Variants in BBS2 observed in about 807,000 individuals in gnomAD.
The protein encoded by BBS2 is BBSome complex member BBS2.
In BBS2, 62 loss-of-function variants were observed where a neutral mutation model predicts 83.0. The ratio of observed to expected loss-of-function variants is 0.75; its 90% CI spans 0.61 to 0.92. The LOEUF is 0.92. Ranked by LOEUF, BBS2 falls within the 40% of genes least tolerant of loss-of-function variation. The pLI, the probability that BBS2 is intolerant of heterozygous loss-of-function variation, is 0.00. For synonymous variants in BBS2, 303 were observed against 326.1 expected, an observed-to-expected ratio of 0.93 and a Z score of 0.76; for missense variants, 784 against 901.0, an observed-to-expected ratio of 0.87 and a Z score of 1.66.
chr16:56,483,341 C>T (rs1485067873), downstream of BBS2, among the ~76,000 whole-genome samples: 6 of 152,142 alleles, frequency 3.9e-5, no homozygotes, highest in Admixed American at 1.3e-4. Flanking sequence ...AAATAGTGTT[C>T]CAAGTGAGAT....
chr16:56,475,222 G>T (rs1026866469), intron 17 of BBS2, among the ~76,000 whole-genome samples: 3 of 152,128 alleles, frequency 2.0e-5, no homozygotes, highest in African/African-American at 7.2e-5. Flanking sequence ...TTATGTAATT[G>T]CCCTTCTGGG....
Position 56,514,614 on chromosome 16 carries a change from G to C in BBS2, c.184C>G (p.Leu62Val), listed in dbSNP as rs201860939. 1.9e-5 allele frequency: 31 copies of C among 1,612,908 alleles called. No individual in the cohort carries two copies. Among genetic ancestry groups the C allele is most frequent in the Non-Finnish European group, 2.5e-5 (30 of 1,178,998 alleles). ...CTGAGAAGAGAAACATCAGATTCCA[G>C]GGGGCTCTGGAAGACCCTGGATGCA... ...VSASRVFQSP[L>V]ESDVSLLSIN... Residue 62 changes from leucine to valine, a missense_variant, in exon 2 of 17, where the codon CTG becomes GTG. Leu to Val is a conservative substitution (Grantham distance 32). Coordinates refer to ENST00000245157, the MANE Select transcript of BBS2 (RefSeq NM_031885.5).
chr16:56,500,689 A>G lies in BBS2; in HGVS notation c.1397+165T>C. On this transcript the variant is annotated intron_variant, in intron 11 of 16. Transcript: ENST00000245157. ...ATCAGTTTTTCCATTTTCTTTTTACAGGTTTCAAACTGAGGAAATAAAAGG... is the reference window on the plus strand; with the variant it reads ...ATCAGTTTTTCCATTTTCTTTTTACGGGTTTCAAACTGAGGAAATAAAAGG... 4.6e-6 allele frequency: 3 copies of G among 647,432 alleles called. No individual in the cohort carries two copies. In the South Asian group the frequency reaches 6.1e-5, roughly 13 times the overall value. The allele number at this position is 647,432 out of a possible 1,614,324, so 40.1% of individuals were successfully genotyped here.
intron 17 of BBS2, among the ~76,000 whole-genome samples, chr16:56,473,075 C>T (rs1279202267): frequency 3.3e-5 from 5 of 152,230 alleles, no homozygotes; most frequent in Middle Eastern, 3.4e-3. Flanking sequence ...GGACTACAGG[C>T]GCATGCCACC....
chr16:56,475,603 A>G (rs1022341515), intron 17 of BBS2: 7 of 1,580,026 alleles, frequency 4.4e-6, no homozygotes, highest in Non-Finnish European at 6.1e-6. Context: ...ATTTTTAGTT[A>G]TTGAGAATGC....
intron 10 of BBS2, 78 bp from the exon 11 acceptor site, chr16:56,501,103 G>A: frequency 6.6e-7 from 1 of 1,505,418 alleles, no homozygotes; most frequent in African/African-American, 1.4e-5. Flanking sequence ...GAGGTCAGGA[G>A]GTCGAGACCA....
intron 15 of BBS2, among the ~76,000 whole-genome samples, chr16:56,494,487 T>C (rs1398905930): frequency 1.3e-5 from 2 of 152,128 alleles, no homozygotes; most frequent in Admixed American, 6.5e-5. Flanking sequence ...CCATTTCTCA[T>C]GTAAAAGAAC....
rs1476749003 is a variant in BBS2, at chr16:56,485,650, C to G, written c.1999G>C (p.Glu667Gln). ...ACTGCTTTGAGGTTTCCCAACAGCTCTGTGTGATTGTTACAGCGAATTTTA... is the reference window on the plus strand; with the variant it reads ...ACTGCTTTGAGGTTTCCCAACAGCTGTGTGTGATTGTTACAGCGAATTTTA... Reference protein sequence around the residue: ...GYKIRCNNHTELLGNLKAVNQ... With the variant: ...GYKIRCNNHTQLLGNLKAVNQ... The change falls in exon 16 of 17, where the codon GAG becomes CAG. Residue 667 changes from glutamate to glutamine, a missense_variant. Coordinates refer to ENST00000245157, the MANE Select transcript of BBS2 (RefSeq NM_031885.5). The G allele has an allele frequency of 9.9e-6, 16 of 1,614,010 alleles. No homozygotes were observed. Among genetic ancestry groups the G allele is most frequent in the Admixed American group, 3.3e-5 (2 of 59,998 alleles).
At chr16:56,519,717 C>T (rs1054106159) in intron 1 of BBS2, 29 bp downstream of exon 1, 13 of 1,567,212 alleles carry the variant, frequency 8.3e-6, no homozygotes, top group Non-Finnish European at 1.1e-5. Flanking sequence ...TCCCTGGGGC[C>T]CGGGCTCCCT....
At chr16:56,473,767 T>C (rs1963314240) in intron 17 of BBS2, among the ~76,000 whole-genome samples, 2 of 152,178 alleles carry the variant, frequency 1.3e-5, no homozygotes, top group Admixed American at 1.3e-4. Context: ...CTTTTTGTCA[T>C]TTTATTAGTT....
At chr16:56,510,997 G>A in intron 3 of BBS2, 76 bp from the exon 4 acceptor site, 1 of 1,576,192 alleles carries the variant, frequency 6.3e-7, no homozygotes, top group Non-Finnish European at 8.7e-7. Flanking sequence ...ACATGAAGGA[G>A]AGGATTACAC....
At chr16:56,505,264 G>A (rs1457839382) in intron 7 of BBS2, among the ~76,000 whole-genome samples, 6 of 152,168 alleles carry the variant, frequency 3.9e-5, no homozygotes, top group East Asian at 1.9e-4. Context: ...TTTAGAATCC[G>A]TTCTTCACGT....
At chr16:56,504,083 A>G (rs1236356440) in intron 7 of BBS2, among the ~76,000 whole-genome samples, 1 of 152,236 alleles carries the variant, frequency 6.6e-6, no homozygotes, top group Non-Finnish European at 1.5e-5. Context: ...TGCAACCAAA[A>G]CATAAAGTAA....
chr16:56,472,167 G>A (rs1230660657), intron 17 of BBS2, among the ~76,000 whole-genome samples: 1 of 149,750 alleles, frequency 6.7e-6, no homozygotes, highest in African/African-American at 2.5e-5. Context: ...ATGGGATCTT[G>A]CCATGTTGCC....
In BBS2 at chr16:56,484,548, C is replaced by A; in HGVS notation, c.*213G>T. The A allele has an allele frequency of 4.0e-6, 2 of 498,770 alleles. No individual in the cohort carries two copies. Among genetic ancestry groups the A allele is most frequent in the Non-Finnish European group, 7.3e-6 (2 of 274,922 alleles). The allele number at this position is 498,770 out of a possible 1,614,324, so 30.9% of individuals were successfully genotyped here. ...AGCATTCATCCTATTCCATAAAAACCTAGTATTATTCAGCAACAGTACTAC... is the reference window on the plus strand; with the variant it reads ...AGCATTCATCCTATTCCATAAAAACATAGTATTATTCAGCAACAGTACTAC... On this transcript the variant is annotated 3_prime_UTR_variant, in exon 17 of 17. Coordinates refer to ENST00000245157, the MANE Select transcript of BBS2 (RefSeq NM_031885.5).
chr16:56,496,915 T>C (rs1964129770), intron 15 of BBS2, 52 bp downstream of exon 15: 1 of 1,273,426 alleles, frequency 7.9e-7, no homozygotes, highest in Admixed American at 1.7e-5. Context: ...TGCTATTCCA[T>C]ACTGCTCACA....
At chr16:56,496,879 T>C in intron 15 of BBS2, 88 bp downstream of exon 15, 1 of 985,642 alleles carries the variant, frequency 1.0e-6, no homozygotes, top group Non-Finnish European at 1.6e-6. Flanking sequence ...TAACAATTTA[T>C]ACTTCTATTG....
In BBS2 at chr16:56,501,424, G is replaced by A. The variant is rs768860769; in HGVS notation, c.1154C>T (p.Thr385Ile). 2.5e-6 allele frequency: 4 copies of A among 1,614,194 alleles called. No homozygotes were observed. The highest frequency in any genetic ancestry group is 3.4e-6 in the Non-Finnish European group (4 of 1,180,014). ...ATTCCCCAGGCTGACTGAGAGCGTGGTGTGGAGCCTGGTATTGGCTGGGAT... is the reference window on the plus strand; with the variant it reads ...ATTCCCCAGGCTGACTGAGAGCGTGATGTGGAGCCTGGTATTGGCTGGGAT... The part of the protein sequence containing the change: ...GIIPANTRLH[T>I]TLSVSLGNET... The change falls in exon 10 of 17, where the codon ACC becomes ATC. Residue 385 changes from threonine (T) to isoleucine (I), a missense_variant. Transcript: ENST00000245157.
intron 15 of BBS2, among the ~76,000 whole-genome samples, chr16:56,489,793 T>TC (rs1963884995): frequency 6.9e-6 from 1 of 143,900 alleles, no homozygotes; most frequent in Non-Finnish European, 1.5e-5. Context: ...AGAGCGAAAC[T>TC]CCATCTCAAA....
Sources: gnomAD v4.1 joint callset for allele counts (sites outside exome capture counted in the v4.1 genomes callset) on GRCh38, gnomAD v4.1.1 for gene constraint, MANE v1.5 for transcripts, NCBI Gene and HGNC (gene_info 2026-07-23, HGNC 2026-07-21) for gene names.